Variants in KIAA1671 observed in about 807,000 individuals in gnomAD.
KIAA1671 encodes the protein KIAA1671.
KIAA1671 carries 52 observed loss-of-function variants against 131.2 expected under a neutral mutation model. That is an observed-to-expected ratio of 0.40 (90% CI 0.32 to 0.50). The LOEUF (loss-of-function observed/expected upper bound fraction) is 0.50. KIAA1671 is among the 20% of genes least tolerant of loss of function. The pLI is 0.73. For synonymous variants in KIAA1671, 1,003 were observed against 961.6 expected, an observed-to-expected ratio of 1.04 and a Z score of -0.80; for missense variants, 2,360 against 2,364.2, an observed-to-expected ratio of 1.00 and a Z score of 0.04.
intron 6 of KIAA1671, chr22:25,111,004 AGG>A (rs1303635527): frequency 1.3e-5 from 2 of 152,508 alleles, no homozygotes; most frequent in Non-Finnish European, 2.9e-5. Context: ...ACAGCTGAAA[AGG>A]AGAGAGAGAG....
intron 1 of KIAA1671, among the ~76,000 whole-genome samples, chr22:25,015,676 T>C (rs938030200): frequency 5.9e-5 from 9 of 152,176 alleles, no homozygotes; most frequent in African/African-American, 1.9e-4. Flanking sequence ...TTCCCATTGT[T>C]GAACCCAGCA....
intron 6 of KIAA1671, chr22:25,063,506 C>T (rs976456269): frequency 6.6e-6 from 1 of 152,046 alleles, no homozygotes; most frequent in Non-Finnish European, 1.5e-5. Flanking sequence ...GGGCGCTAAG[C>T]TATGAGCATG....
chr22:25,084,383 G>A (rs192824453), intron 6 of KIAA1671, among the ~76,000 whole-genome samples: 1 of 148,154 alleles, frequency 6.7e-6, no homozygotes, highest in South Asian at 2.1e-4. Flanking sequence ...GCTGAGGCAG[G>A]AGAATCGCTT....
intron 1 of KIAA1671, chr22:25,023,252 C>T (rs2123894193): frequency 1.3e-5 from 2 of 152,032 alleles, no homozygotes; most frequent in African/African-American, 4.8e-5. Flanking sequence ...CCTGTAATCC[C>T]AGCTTCACGG....
intron 1 of KIAA1671, among the ~76,000 whole-genome samples, chr22:24,969,861 A>G: frequency 6.6e-6 from 1 of 152,160 alleles, no homozygotes; most frequent in South Asian, 2.1e-4. Flanking sequence ...ATGAGGATTA[A>G]ATGAGTGAAG....
intron 1 of KIAA1671, among the ~76,000 whole-genome samples, chr22:24,958,371 C>T (rs759583741): frequency 2.1e-4 from 32 of 151,994 alleles, no homozygotes; most frequent in Non-Finnish European, 4.1e-4. Context: ...AATTTAAGAC[C>T]GGGTGAGGTG....
At chr22:25,110,922 C>G (rs1054943873) in intron 6 of KIAA1671, 1 of 152,488 alleles carries the variant, frequency 6.6e-6, no homozygotes, top group Admixed American at 6.5e-5. Flanking sequence ...ACAGCCCTCC[C>G]CAGTCCTTCC....
chr22:25,093,278 G>A (rs1930111240), intron 6 of KIAA1671, among the ~76,000 whole-genome samples: 1 of 152,130 alleles, frequency 6.6e-6, no homozygotes, highest in South Asian at 2.1e-4. Flanking sequence ...GCCTAGCTAT[G>A]CTTCACAGCC....
At chr22:24,995,672 A>G (rs1273620434) in intron 1 of KIAA1671, among the ~76,000 whole-genome samples, 4 of 152,220 alleles carry the variant, frequency 2.6e-5, no homozygotes, top group Non-Finnish European at 4.4e-5. Context: ...GTCTCTTTCA[A>G]TGATTAATAA....
At chr22:25,174,853 T>C (rs952903203) in intron 8 of KIAA1671, 1 of 179,354 alleles carries the variant, frequency 5.6e-6, no homozygotes, top group East Asian at 1.5e-4. Context: ...CTGAGGTTTA[T>C]AGTTGCAAGC....
intron 11 of KIAA1671, among the ~76,000 whole-genome samples, chr22:25,189,463 G>A (rs186765333): frequency 1.3e-5 from 2 of 152,098 alleles, no homozygotes; most frequent in Non-Finnish European, 2.9e-5. Flanking sequence ...GTGAGCCACC[G>A]TGCCTGGCGA....
Position 25,038,803 on chromosome 22 carries a change from G to A in KIAA1671, c.1673G>A (p.Ser558Asn), listed in dbSNP as rs1926751901. 1 of 1,550,554 alleles carries A rather than the reference G, an allele frequency of 6.4e-7. No individual in the cohort carries two copies. The highest frequency in any genetic ancestry group is 8.7e-7 in the Non-Finnish European group (1 of 1,145,868). Reference protein sequence around the residue: ...HSLDGACIPRSPWKPGTLRDK... With the variant: ...HSLDGACIPRNPWKPGTLRDK... ...TTGGATGGAGCATGCATCCCGAGAAGCCCCTGGAAGCCTGGGACACTCCGG... is the reference window on the plus strand; with the variant it reads ...TTGGATGGAGCATGCATCCCGAGAAACCCCTGGAAGCCTGGGACACTCCGG... Residue 558 changes from serine to asparagine, a missense_variant, in exon 5 of 13, where the codon AGC becomes AAC. Ser to Asn is a conservative substitution (Grantham distance 46, BLOSUM62 1). Coordinates refer to ENST00000358431, the MANE Select transcript of KIAA1671 (RefSeq NM_001145206.2).
intron 9 of KIAA1671, 122 bp from the exon 10 acceptor site, chr22:25,181,577 A>G (rs1286836872): frequency 2.5e-6 from 3 of 1,194,410 alleles, no homozygotes; most frequent in African/African-American, 3.0e-5. Context: ...AATGGGCCAT[A>G]GCGTCTTCTG....
intron 1 of KIAA1671, among the ~76,000 whole-genome samples, chr22:24,971,312 A>G (rs1028341223): frequency 3.3e-5 from 5 of 152,184 alleles, no homozygotes; most frequent in African/African-American, 7.2e-5. Context: ...GAAGTGATCA[A>G]TGAAGGACAG....
At chr22:24,994,253 T>C (rs1043092215) in intron 1 of KIAA1671, among the ~76,000 whole-genome samples, 1 of 152,126 alleles carries the variant, frequency 6.6e-6, no homozygotes, top group African/African-American at 2.4e-5. Context: ...TCAGTGATTC[T>C]AGGAAAGAGT....
At chr22:25,124,843 A>ACCTCCCAGGCTCATACGAT (rs1304248080) in intron 6 of KIAA1671, among the ~76,000 whole-genome samples, 2 of 152,062 alleles carry the variant, frequency 1.3e-5, no homozygotes, top group African/African-American at 4.8e-5. Context: ...TGCAGCCTCG[A>ACCTCCCAGGCTCATACGAT]CCTCCCAGGC....
chr22:25,028,350 G>A lies in KIAA1671; in HGVS notation c.351G>A (p.Glu117=). The change falls in exon 3 of 13, where the codon GAG becomes GAA. Residue 117 remains glutamate (E), a synonymous_variant. Coordinates refer to ENST00000358431, the MANE Select transcript of KIAA1671 (RefSeq NM_001145206.2). ...GGATGCCCGGCTTGGTGGGGCAGGAGGTGGGCAGTGGGGAGGGCCCGAGGA... is the reference window on the plus strand; with the variant it reads ...GGATGCCCGGCTTGGTGGGGCAGGAAGTGGGCAGTGGGGAGGGCCCGAGGA... The part of the protein sequence containing the change: ...DNRMPGLVGQ[E]VGSGEGPRTS... 1 of 1,550,846 alleles carries A rather than the reference G, an allele frequency of 6.4e-7. No individual in the cohort carries two copies. The highest frequency in any genetic ancestry group is 1.2e-5 in the South Asian group (1 of 84,060).
chr22:25,084,196 GAACTT>G (rs1258361481), intron 6 of KIAA1671, among the ~76,000 whole-genome samples: 1 of 152,198 alleles, frequency 6.6e-6, no homozygotes, highest in Non-Finnish European at 1.5e-5. Flanking sequence ...TGTGTGTATA[GAACTT>G]GACAGTGGCT....
chr22:25,087,465 C>T (rs1455388454), intron 6 of KIAA1671, among the ~76,000 whole-genome samples: 1 of 152,104 alleles, frequency 6.6e-6, no homozygotes, highest in Non-Finnish European at 1.5e-5. Context: ...GCGCCTATAA[C>T]CCAGCTACTC....
Sources: gnomAD v4.1 joint callset for allele counts (sites outside exome capture counted in the v4.1 genomes callset) on GRCh38, gnomAD v4.1.1 for gene constraint, MANE v1.5 for transcripts, NCBI Gene and HGNC (gene_info 2026-07-23, HGNC 2026-07-21) for gene names.